KIF27: variants seen among roughly 807,000 people sequenced by gnomAD.
KIF27 encodes the protein kinesin-like protein KIF27.
In KIF27, 84 loss-of-function variants were observed where a neutral mutation model predicts 141.8. That is an observed-to-expected ratio of 0.59 (90% CI 0.50 to 0.71). The LOEUF is 0.71. Ranked by LOEUF, KIF27 falls within the 30% of genes least tolerant of loss-of-function variation. The pLI is 0.00. For missense variants in KIF27, 1,306 were observed against 1,628.4 expected (o/e 0.80, Z 3.41); for synonymous variants, 471 against 569.5 (o/e 0.83, Z 2.46).
rs1246725212 is a variant in KIF27 at position 83,836,358 on chromosome 9, A to G, written c.*643T>C. Among the ~76,000 whole-genome samples the G allele has an allele frequency of 6.6e-6, 1 of 152,198 alleles. No homozygotes were observed. The highest frequency in any genetic ancestry group is 1.5e-5 in the Non-Finnish European group (1 of 68,030). On this transcript the variant is annotated 3_prime_UTR_variant, in exon 18 of 18. Coordinates refer to ENST00000297814, the MANE Select transcript of KIF27 (RefSeq NM_017576.4). ...AGTGTATAGAGCAGGAAAGACATGA[A>G]AACTTATATTGCATAATATTAGCAA...
intron 1 of KIF27, among the ~76,000 whole-genome samples, chr9:83,916,121 T>C (rs1276640373): frequency 6.8e-6 from 1 of 147,822 alleles, no homozygotes; most frequent in Non-Finnish European, 1.5e-5. Context: ...AACCTCTGCC[T>C]ACCAGGTTCA....
At chr9:83,848,053 CTA>C (rs1491096127) in intron 16 of KIF27, 1 of 41,606 alleles carries the variant, frequency 2.4e-5, no homozygotes, top group Admixed American at 3.8e-4. Context: ...CTACATATAT[CTA>C]TATATCATAT....
chr9:83,897,373 G>T (rs1363033758), intron 5 of KIF27, among the ~76,000 whole-genome samples: 1 of 151,992 alleles, frequency 6.6e-6, no homozygotes, highest in South Asian at 2.1e-4. Flanking sequence ...GTGAGAAGAT[G>T]GTTTCCAATA....
chr9:83,856,981 A>C (rs939574861), intron 14 of KIF27, among the ~76,000 whole-genome samples: 1 of 151,140 alleles, frequency 6.6e-6, no homozygotes, highest in Non-Finnish European at 1.5e-5. Context: ...TAAACATAAT[A>C]GTTCTTATAT....
intron 5 of KIF27, among the ~76,000 whole-genome samples, chr9:83,896,634 T>C (rs1192138004): frequency 6.6e-6 from 1 of 152,222 alleles, no homozygotes. Flanking sequence ...TCAAAATATG[T>C]TCATTAATTC....
chr9:83,841,361 G>A (rs1382341255), intron 17 of KIF27, among the ~76,000 whole-genome samples: 3 of 152,158 alleles, frequency 2.0e-5, no homozygotes, highest in Non-Finnish European at 2.9e-5. Flanking sequence ...ATGAGCCACC[G>A]CACCTAGCCA....
intron 2 of KIF27, among the ~76,000 whole-genome samples, chr9:83,914,515 T>C (rs1955505252): frequency 6.6e-6 from 1 of 152,102 alleles, no homozygotes; most frequent in Admixed American, 6.6e-5. Context: ...AGCTCATATC[T>C]GAACAGCTAG....
chr9:83,882,270 G>C (rs1951736894), intron 10 of KIF27, among the ~76,000 whole-genome samples: 1 of 152,104 alleles, frequency 6.6e-6, no homozygotes, highest in East Asian at 1.9e-4. Context: ...CCTGAGGCAA[G>C]AGGATCATTT....
chr9:83,873,991 G>A (rs1951007290), intron 11 of KIF27, among the ~76,000 whole-genome samples: 1 of 151,838 alleles, frequency 6.6e-6, no homozygotes, highest in Admixed American at 6.6e-5. Context: ...GGCGGAGCTT[G>A]CAGTGAGACG....
At chr9:83,865,074 C>T (rs1364645083) in intron 13 of KIF27, among the ~76,000 whole-genome samples, 2 of 152,096 alleles carry the variant, frequency 1.3e-5, no homozygotes, top group Non-Finnish European at 2.9e-5. Context: ...TGTGTCTCTG[C>T]ACGTGAGAGG....
chr9:83,901,002 A>G (rs1221860949), intron 4 of KIF27, among the ~76,000 whole-genome samples: 1 of 152,142 alleles, frequency 6.6e-6, no homozygotes, highest in African/African-American at 2.4e-5. Flanking sequence ...TCTGCCACCC[A>G]GGCTGGAGTG....
intron 11 of KIF27, chr9:83,879,993 A>C (rs1435091244): frequency 9.8e-6 from 5 of 509,762 alleles, no homozygotes; most frequent in Non-Finnish European, 1.4e-5. Flanking sequence ...GATAGGTATT[A>C]TTTAGAAAGT....
At chr9:83,894,381 C>T (rs1387723226) in intron 5 of KIF27, among the ~76,000 whole-genome samples, 1 of 152,228 alleles carries the variant, frequency 6.6e-6, no homozygotes, top group Non-Finnish European at 1.5e-5. Context: ...CATAGCAGAC[C>T]TGACTGCTAT....
Position 83,903,928 on chromosome 9 carries a change from G to A in KIF27, c.590C>T (p.Thr197Ile). Residue 197 changes from threonine to isoleucine, a missense_variant, in exon 4 of 18, where the codon ACC becomes ATC. Coordinates refer to ENST00000297814, the MANE Select transcript of KIF27 (RefSeq NM_017576.4). ...GCTGGAGTGCTCATTCATTTGAGTG[G>A]TACCTGTATGTCTGGCTGCATTCCC... ...EMGNAARHTGTTQMNEHSSRS... is the reference protein window; with the variant it reads ...EMGNAARHTGITQMNEHSSRS... The A allele has an allele frequency of 6.2e-7, 1 of 1,614,052 alleles. No individual in the cohort carries two copies. The highest frequency in any genetic ancestry group is 1.3e-5 in the African/African-American group (1 of 75,004).
chr9:83,916,626 T>C (rs1432700811), intron 1 of KIF27, among the ~76,000 whole-genome samples: 1 of 151,788 alleles, frequency 6.6e-6, no homozygotes, highest in South Asian at 2.1e-4. Context: ...AAAATATATA[T>C]AAACAAATAA....
rs537046371 is a variant in KIF27 at position 83,891,311 on chromosome 9, C to T, written c.1793G>A (p.Arg598Lys). Reference protein sequence around the residue: ...HLGHYIYIPSRQDSRKVHTSP... With the variant: ...HLGHYIYIPSKQDSRKVHTSP... ...GGACTTTACCTTCCTGGAATCTTGTCTTGATGGGATATAAATATAATGCCC... is the reference window on the plus strand; with the variant it reads ...GGACTTTACCTTCCTGGAATCTTGTTTTGATGGGATATAAATATAATGCCC... The change falls in exon 6 of 18, where the codon AGA (arginine) becomes AAA (lysine). Residue 598 changes from arginine (R) to lysine (K), a missense_variant. Around this residue, in one of 4 missense-constraint regions of KIF27, gnomAD observed 596 missense variants for 751.6 expected, o/e 0.79. Coordinates refer to ENST00000297814, the MANE Select transcript of KIF27 (RefSeq NM_017576.4). 1 of 1,611,966 alleles carries T rather than the reference C, an allele frequency of 6.2e-7. No homozygotes were observed. Among genetic ancestry groups the T allele is most frequent in the African/African-American group, 1.3e-5 (1 of 74,990 alleles).
chr9:83,855,357 C>T (rs926459529), intron 14 of KIF27, among the ~76,000 whole-genome samples: 3 of 152,088 alleles, frequency 2.0e-5, no homozygotes, highest in Admixed American at 2.0e-4. Context: ...TATTTCTGAT[C>T]TACCTAAAGA....
chr9:83,919,252 C>T (rs934802682), intron 1 of KIF27, among the ~76,000 whole-genome samples: 1 of 152,154 alleles, frequency 6.6e-6, no homozygotes, highest in African/African-American at 2.4e-5. Flanking sequence ...ACTGACATTT[C>T]TGCAAAAAGT....
intron 9 of KIF27, among the ~76,000 whole-genome samples, chr9:83,884,857 C>T (rs548685608): frequency 5.9e-5 from 9 of 152,114 alleles, no homozygotes; most frequent in Non-Finnish European, 1.2e-4. Flanking sequence ...TTCACTAACC[C>T]GAACTTATTC....
Sources: allele counts gnomAD v4.1 joint callset (sites outside exome capture counted in the v4.1 genomes callset), GRCh38; gene constraint gnomAD v4.1.1; regional missense constraint gnomAD v4.1.1; transcripts MANE v1.5; gene names NCBI Gene and HGNC (gene_info 2026-07-23, HGNC 2026-07-21).